PLCG2: variants seen among roughly 807,000 people sequenced by gnomAD.
The protein encoded by PLCG2 is phospholipase C gamma 2, also known as 1-phosphatidylinositol 4,5-bisphosphate phosphodiesterase gamma-2.
PLCG2 carries 69 observed loss-of-function variants against 175.6 expected under a neutral mutation model. The ratio of observed to expected loss-of-function variants is 0.39; its 90% CI spans 0.32 to 0.48. The LOEUF (loss-of-function observed/expected upper bound fraction) is 0.48, where lower values mean the gene tolerates loss of function less well. PLCG2 is among the 20% of genes least tolerant of loss of function. The pLI, the probability that PLCG2 is intolerant of heterozygous loss-of-function variation, is 0.91. For missense variants in PLCG2, 1,798 were observed against 1,650.9 expected, an observed-to-expected ratio of 1.09 and a Z score of -1.54; for synonymous variants, 827 against 624.0, an observed-to-expected ratio of 1.33 and a Z score of -4.85.
chr16:81,759,766 C>T (rs1909999860), intron 2 of PLCG2, among the ~76,000 whole-genome samples: 1 of 152,212 alleles, frequency 6.6e-6, no homozygotes, highest in Non-Finnish European at 1.5e-5. Context: ...TTACCCATTG[C>T]ACTGAGCACT....
chr16:81,879,822 T>C (rs1401672141), intron 7 of PLCG2, among the ~76,000 whole-genome samples: 2 of 152,172 alleles, frequency 1.3e-5, no homozygotes, highest in African/African-American at 2.4e-5. Context: ...GGGTGCTCCA[T>C]GGCGCCCCCC....
chr16:81,807,339 C>G lies in PLCG2; in HGVS notation c.193+21157C>G, dbSNP rs539642004. Among the ~76,000 whole-genome samples the G allele has an allele frequency of 3.3e-5, 5 of 152,254 alleles. No individual in the cohort carries two copies. In the South Asian group the frequency reaches 1.0e-3, roughly 32 times the overall value. Reference sequence around the variant, plus strand: ...GCAGTGTGCATCTCTGCGAGGAGGGCACTGAGGAGGATGGGCTTCTCAGAT... The same window carrying G: ...GCAGTGTGCATCTCTGCGAGGAGGGGACTGAGGAGGATGGGCTTCTCAGAT... On this transcript the variant is annotated intron_variant, in intron 2 of 32. Coordinates refer to ENST00000564138, the MANE Select transcript of PLCG2 (RefSeq NM_002661.5).
chr16:81,781,935 G>C (rs541312801), intron 1 of PLCG2, among the ~76,000 whole-genome samples: 1 of 149,992 alleles, frequency 6.7e-6, no homozygotes, highest in African/African-American at 2.5e-5. Flanking sequence ...GCAGTGGCGC[G>C]ATCTCGGCTC....
intron 2 of PLCG2, among the ~76,000 whole-genome samples, chr16:81,795,174 A>T (rs1218129549): frequency 6.6e-6 from 1 of 152,256 alleles, no homozygotes; most frequent in African/African-American, 2.4e-5. Flanking sequence ...ATCTTGTAGG[A>T]AAAGCAGAAA....
At chr16:81,847,652 C>G (rs1029567510) in intron 2 of PLCG2, among the ~76,000 whole-genome samples, 2 of 152,128 alleles carry the variant, frequency 1.3e-5, no homozygotes, top group African/African-American at 4.8e-5. Flanking sequence ...CGGATTTAAG[C>G]TATGGTCGAT....
At position 81,960,756 on chromosome 16, in the gene PLCG2, C is replaced by A. The variant is rs1030926821; in HGVS notation, c.*2758C>A. 4.4e-6 allele frequency: 1 copy of A among 229,074 alleles called. No homozygotes were observed. The highest frequency in any genetic ancestry group is 8.7e-6 in the Non-Finnish European group (1 of 115,486). The allele number at this position is 229,074 out of a possible 1,614,324, so 14.2% of individuals were successfully genotyped here. ...GTATGCTTTGTGACCTAGTTAAAATCTAAACTTAAGTCGCCATGGCCAGTG... is the reference window on the plus strand; with the variant it reads ...GTATGCTTTGTGACCTAGTTAAAATATAAACTTAAGTCGCCATGGCCAGTG... On this transcript the variant is annotated 3_prime_UTR_variant, in exon 33 of 33. Transcript: ENST00000564138.
At chr16:81,782,420 A>G (rs1464327574) in intron 1 of PLCG2, among the ~76,000 whole-genome samples, 1 of 152,188 alleles carries the variant, frequency 6.6e-6, no homozygotes, top group Non-Finnish European at 1.5e-5. Context: ...CAAAAAAAGC[A>G]GAAGCAAAAT....
chr16:81,949,388 C>G (rs1318047514), intron 31 of PLCG2, among the ~76,000 whole-genome samples: 1 of 152,164 alleles, frequency 6.6e-6, no homozygotes, highest in Non-Finnish European at 1.5e-5. Flanking sequence ...TTCCAGCACA[C>G]TAGTTGTGTA....
intron 1 of PLCG2, among the ~76,000 whole-genome samples, chr16:81,753,233 C>T (rs144651510): frequency 2.1e-4 from 32 of 152,100 alleles, no homozygotes; most frequent in Non-Finnish European, 3.2e-4. Flanking sequence ...CCACACAGCA[C>T]GAGCTTTAGT....
upstream of PLCG2, among the ~76,000 whole-genome samples, chr16:81,775,107 T>C (rs755770988): frequency 6.6e-6 from 1 of 152,162 alleles, no homozygotes; most frequent in African/African-American, 2.4e-5. Context: ...AACTCATGCA[T>C]GTAAAGTGTA....
upstream of PLCG2, among the ~76,000 whole-genome samples, chr16:81,776,798 G>A (rs975506277): frequency 2.2e-4 from 34 of 152,116 alleles, no homozygotes; most frequent in East Asian, 5.8e-4. Context: ...CAGGTAAGCC[G>A]CCTGCCTTGG....
chr16:81,818,947 C>T (rs1007502224), intron 2 of PLCG2, among the ~76,000 whole-genome samples: 3 of 125,916 alleles, frequency 2.4e-5, no homozygotes, highest in Admixed American at 1.8e-4. Context: ...ATAAATACAG[C>T]TTTTTAGTGA....
intron 31 of PLCG2, 146 bp downstream of exon 31, chr16:81,946,409 T>C (rs1397595753): frequency 1.1e-5 from 7 of 640,558 alleles, no homozygotes; most frequent in Non-Finnish European, 1.7e-5. Context: ...AGAATTCCTT[T>C]TTGCTAATTC....
At chr16:81,826,280 G>A (rs1439568447) in intron 2 of PLCG2, among the ~76,000 whole-genome samples, 3 of 152,090 alleles carry the variant, frequency 2.0e-5, no homozygotes, top group South Asian at 2.1e-4. Context: ...CCTCTGCCAC[G>A]GCAAGGCTCC....
At chr16:81,788,319 T>C (rs1183874208) in intron 2 of PLCG2, among the ~76,000 whole-genome samples, 5 of 152,180 alleles carry the variant, frequency 3.3e-5, no homozygotes, top group African/African-American at 1.2e-4. Flanking sequence ...CTCGCTCTGT[T>C]GCCCAGGCTG....
At chr16:81,849,766 T>TGTC (rs1906306079) in intron 2 of PLCG2, among the ~76,000 whole-genome samples, 1 of 105,030 alleles carries the variant, frequency 9.5e-6, no homozygotes, top group South Asian at 3.3e-4. Context: ...AGCAAAACTC[T>TGTC]GTCTCAAAAA....
At chr16:81,834,762 G>T (rs980612448) in intron 2 of PLCG2, among the ~76,000 whole-genome samples, 6 of 152,318 alleles carry the variant, frequency 3.9e-5, no homozygotes, top group African/African-American at 1.4e-4. Context: ...GGGCTCCCAG[G>T]ACGAGGACAA....
chr16:81,798,410 T>C (rs1157297524), intron 2 of PLCG2: 1 of 152,306 alleles, frequency 6.6e-6, no homozygotes, highest in Non-Finnish European at 1.5e-5. Context: ...TGGGGTTAAG[T>C]GCTCTTGGAC....
intron 1 of PLCG2, chr16:81,783,213 C>T (rs72834729): frequency 0.34 from 156,634 of 457,090 alleles, 28,017 homozygotes; most frequent in East Asian, 0.5. Flanking sequence ...TGGGGAACTC[C>T]AGGATGCATG....
Sources: allele counts gnomAD v4.1 joint callset (sites outside exome capture counted in the v4.1 genomes callset), GRCh38; gene constraint gnomAD v4.1.1; transcripts MANE v1.5; gene names NCBI Gene and HGNC (gene_info 2026-07-23, HGNC 2026-07-21).